CEP164: variants seen among roughly 807,000 people sequenced by gnomAD.
CEP164 encodes centrosomal protein 164, also known as centrosomal protein of 164 kDa.
Under a neutral mutation model 182.7 loss-of-function variants are expected in CEP164, and 162 were observed. The ratio of observed to expected loss-of-function variants is 0.89; its 90% confidence interval spans 0.78 to 1.01. CEP164 has a LOEUF of 1.01. Ranked by LOEUF, CEP164 falls within the 50% of genes least tolerant of loss-of-function variation. The pLI is 0.00. For synonymous variants in CEP164, 661 were observed against 690.0 expected, an observed-to-expected ratio of 0.96 and a Z score of 0.66; for missense variants, 1,735 against 1,790.4, an observed-to-expected ratio of 0.97 and a Z score of 0.56.
chr11:117,336,233 AAG>A, intron 2 of CEP164: 1 of 1,593,744 alleles, frequency 6.3e-7, no homozygotes, highest in Admixed American at 1.7e-5. Context: ...GAGGAGGAGA[AAG>A]AGGAGGAGGA....
intron 2 of CEP164, among the ~76,000 whole-genome samples, chr11:117,337,898 T>C (rs985097315): frequency 6.6e-6 from 1 of 152,176 alleles, no homozygotes; most frequent in African/African-American, 2.4e-5. Context: ...CGGTCACACA[T>C]GTTGGTATCC....
intron 13 of CEP164, 69 bp downstream of exon 13, chr11:117,381,937 G>A: frequency 7.8e-7 from 1 of 1,286,166 alleles, no homozygotes; most frequent in Non-Finnish European, 1.0e-6. Flanking sequence ...GTGGGTATGT[G>A]TGCTAGTGCT....
intron 8 of CEP164, among the ~76,000 whole-genome samples, chr11:117,369,940 C>T (rs1386520181): frequency 6.6e-6 from 1 of 152,258 alleles, no homozygotes; most frequent in African/African-American, 2.4e-5. Flanking sequence ...GATTGACAGC[C>T]TCCAGCACTG....
chr11:117,364,880 G>C (rs534860844), intron 8 of CEP164, among the ~76,000 whole-genome samples: 1 of 152,274 alleles, frequency 6.6e-6, no homozygotes, highest in East Asian at 1.9e-4. Context: ...GATACCTTTT[G>C]ATTATGACTT....
At chr11:117,408,119 CG>C in intron 28 of CEP164, 87 bp downstream of exon 28, 2 of 1,018,034 alleles carry the variant, frequency 2.0e-6, no homozygotes, top group South Asian at 1.5e-5. Flanking sequence ...GTCCTGCATC[CG>C]GGGGAGTTGG....
In CEP164 at chr11:117,410,900, C is replaced by T. The variant is rs576293282; in HGVS notation, c.4163+6C>T. The T allele has an allele frequency of 2.4e-5, 39 of 1,612,158 alleles. No homozygotes were observed. In the South Asian group the frequency reaches 4.0e-4, roughly 16 times the overall value. ...CTGGGTTACATGTCTGCCAGGTGAG[C>T]CTCCCTGGGGGCTGGTTGGGGTGGA... On this transcript the variant is annotated splice_donor_region_variant and intron_variant, in intron 31 of 32. Transcript: ENST00000278935.
chr11:117,403,189 G>A lies in CEP164; in HGVS notation c.3502-4736G>A, dbSNP rs562792855. 1.1e-4 allele frequency among the ~76,000 whole-genome samples: 16 copies of A among 152,320 alleles called. No homozygotes were observed. In the South Asian group the frequency reaches 2.1e-3, roughly 20 times the overall value. ...TTACATTCAAGGCTAATATTGTTATGTGTGAATTTGATCCTGTCATTATGA... is the reference window on the plus strand; with the variant it reads ...TTACATTCAAGGCTAATATTGTTATATGTGAATTTGATCCTGTCATTATGA... On this transcript the variant is annotated intron_variant, in intron 27 of 32. Transcript: ENST00000278935.
chr11:117,347,827 G>T (rs1180020824), intron 4 of CEP164, among the ~76,000 whole-genome samples: 1 of 152,068 alleles, frequency 6.6e-6, no homozygotes, highest in Non-Finnish European at 1.5e-5. Flanking sequence ...TTCAACCCAT[G>T]AACATGGTCT....
chr11:117,355,380 A>T, intron 5 of CEP164: 1 of 1,289,820 alleles, frequency 7.8e-7, no homozygotes, highest in South Asian at 1.2e-5. Context: ...CTTCTCCAAA[A>T]TATGCAGGAT....
chr11:117,349,604 G>A (rs1283135404), intron 4 of CEP164, among the ~76,000 whole-genome samples: 1 of 152,136 alleles, frequency 6.6e-6, no homozygotes, highest in Non-Finnish European at 1.5e-5. Flanking sequence ...TCCTGCCTCA[G>A]CTTCCTAAGT....
At chr11:117,391,295 AAGGG>A in intron 17 of CEP164, 80 bp downstream of exon 17, 2 of 1,394,660 alleles carry the variant, frequency 1.4e-6, no homozygotes, top group Non-Finnish European at 2.0e-6. Context: ...CAAGGAGAAG[AAGGG>A]CAAGTCTCGG....
At chr11:117,324,618 T>C (rs927623783), upstream of CEP164, among the ~76,000 whole-genome samples, 1 of 152,162 alleles carries the variant, frequency 6.6e-6, no homozygotes, top group African/African-American at 2.4e-5. Context: ...ATCCTGTTAA[T>C]CCCACAGTAT....
chr11:117,355,565 T>A, intron 5 of CEP164: 3 of 1,232,054 alleles, frequency 2.4e-6, no homozygotes, highest in Non-Finnish European at 3.1e-6. Context: ...GGAGGAGCCC[T>A]CCCTGTCCTC....
chr11:117,373,842 G>A lies in CEP164; in HGVS notation c.1233+11G>A. 6.2e-7 allele frequency: 1 copy of A among 1,611,448 alleles called. No individual in the cohort carries two copies. The highest frequency in any genetic ancestry group is 8.5e-7 in the Non-Finnish European group (1 of 1,177,550). On this transcript the variant is annotated intron_variant, in intron 10 of 32. Coordinates refer to ENST00000278935, the MANE Select transcript of CEP164 (RefSeq NM_014956.5). ...TCCTTCCATGGCCTGGTGAGTTTGA[G>A]ATGAGGGCAGTAGAGTGGTGGTGAA...
At chr11:117,322,281 A>G (rs1236751155) in intron 1 of CEP164, among the ~76,000 whole-genome samples, 2 of 151,620 alleles carry the variant, frequency 1.3e-5, no homozygotes, top group Non-Finnish European at 2.9e-5. Flanking sequence ...ATGCCCGGCT[A>G]ATTTTTTGTA....
At chr11:117,404,328 A>G (rs1289057159) in intron 27 of CEP164, among the ~76,000 whole-genome samples, 3 of 152,018 alleles carry the variant, frequency 2.0e-5, no homozygotes, top group Non-Finnish European at 2.9e-5. Flanking sequence ...TGACCTTCAG[A>G]TGGGGTTTTT....
chr11:117,330,008 ATAAT>A (rs1758838095), intron 1 of CEP164, among the ~76,000 whole-genome samples: 1 of 152,066 alleles, frequency 6.6e-6, no homozygotes, highest in Non-Finnish European at 1.5e-5. Context: ...TTTTGTTGTC[ATAAT>A]TAATTCTTTG....
chr11:117,411,632 G>A lies in CEP164; in HGVS notation c.4164-163G>A, dbSNP rs2047365492. The A allele has an allele frequency of 1.1e-6, 1 of 927,048 alleles. No individual in the cohort carries two copies. The highest frequency in any genetic ancestry group is 1.7e-5 in the South Asian group (1 of 59,524). The allele number at this position is 927,048 out of a possible 1,614,324, so 57.4% of individuals were successfully genotyped here. On this transcript the variant is annotated intron_variant, in intron 31 of 32. Coordinates refer to ENST00000278935, the MANE Select transcript of CEP164 (RefSeq NM_014956.5). The surrounding 1 kb of genome is among the most constrained non-coding windows in gnomAD (Gnocchi z 4.4). The stretch of plus-strand genomic sequence containing the variant: ...TTTCCCGTTTGGGAACTGTTCTGGA[G>A]GGGCAGATGTTTTGAAGCTTTGAAT...
In CEP164 at chr11:117,409,303, TGAG is replaced by T. The variant is rs1380296428; in HGVS notation, c.3748+280_3748+282del. The T allele has an allele frequency of 6.9e-6, 4 of 575,572 alleles. No individual in the cohort carries two copies. The highest frequency in any genetic ancestry group is 5.6e-5 in the African/African-American group (3 of 53,590). 35.7% of individuals were successfully genotyped at this position (575,572 alleles called of 1,614,324 possible). On this transcript the variant is annotated intron_variant, in intron 29 of 32. Coordinates refer to ENST00000278935, the MANE Select transcript of CEP164 (RefSeq NM_014956.5). This position sits in a 1 kb window ranked among gnomAD's most constrained non-coding sequence, Gnocchi z 4.4. ...GGCCTCTTCTCTTCCAGGGCCTCCT[TGAG>T]GAGGCTTTTCTCTCTCAGCTGCCCT...
Sources: gnomAD v4.1 joint callset for allele counts (sites outside exome capture counted in the v4.1 genomes callset) on GRCh38, gnomAD v4.1.1 for gene constraint, Gnocchi (gnomAD v3.1) non-coding constraint, MANE v1.5 for transcripts, NCBI Gene and HGNC (gene_info 2026-07-23, HGNC 2026-07-21) for gene names.